The following PER3 variants were observed in gnomAD, a reference collection of about 807,000 sequenced individuals.
The protein encoded by PER3 is period circadian protein homolog 3.
In PER3, 107 loss-of-function variants were observed where a neutral mutation model predicts 127.2. That is an observed-to-expected ratio of 0.84 (90% CI 0.72 to 0.99). The LOEUF (loss-of-function observed/expected upper bound fraction) is 0.99, where lower values mean the gene tolerates loss of function less well. Among genes scored for constraint, PER3 ranks in the 50% least tolerant of loss-of-function variants. The pLI is 0.00. For missense variants in PER3, 1,560 were observed against 1,525.8 expected (o/e 1.02, Z -0.37); for synonymous variants, 618 against 585.8 (o/e 1.05, Z -0.79).
chr1:7,788,419 C>A, intron 5 of PER3, 173 bp downstream of exon 5: 1 of 595,304 alleles, frequency 1.7e-6, no homozygotes, highest in Non-Finnish European at 3.0e-6. Flanking sequence ...CTTCTGATAA[C>A]ATACTCAATA....
intron 13 of PER3, chr1:7,810,791 T>C (rs1418992742): frequency 2.4e-6 from 1 of 415,830 alleles, no homozygotes; most frequent in African/African-American, 2.0e-5. Context: ...GGAAATGGTA[T>C]TAGAATGTAT....
chr1:7,835,307 G>A (rs2097352894), intron 19 of PER3, among the ~76,000 whole-genome samples: 1 of 152,186 alleles, frequency 6.6e-6, no homozygotes, highest in Non-Finnish European at 1.5e-5. Context: ...GTCAATAATT[G>A]GCTTTATTGG....
chr1:7,801,252 A>T (rs2097169617), intron 8 of PER3, 61 bp downstream of exon 8: 1 of 905,196 alleles, frequency 1.1e-6, no homozygotes, highest in Admixed American at 2.2e-5. Context: ...AATGTGAAGA[A>T]GATTACATTA....
chr1:7,825,685 A>T (rs981639144), intron 16 of PER3, among the ~76,000 whole-genome samples: 1 of 152,208 alleles, frequency 6.6e-6, no homozygotes, highest in Admixed American at 6.5e-5. Flanking sequence ...TGAGGTCAAG[A>T]GTTTGAGACC....
At chr1:7,841,821 T>C (rs542814677) in intron 21 of PER3, among the ~76,000 whole-genome samples, 1 of 152,306 alleles carries the variant, frequency 6.6e-6, no homozygotes, top group South Asian at 2.1e-4. Flanking sequence ...GTTGTTCTGG[T>C]TGTAAATAGA....
intron 13 of PER3, among the ~76,000 whole-genome samples, chr1:7,816,015 AAATTG>A (rs1416782721): frequency 2.7e-5 from 4 of 148,360 alleles, no homozygotes; most frequent in African/African-American, 5.1e-5. Context: ...AAAAAAAAAA[AAATTG>A]AATTGAACAA....
At position 7,803,673 on chromosome 1, in the gene PER3, G is replaced by T. The variant is rs1264703840; in HGVS notation, c.980-19G>T. On this transcript the variant is annotated intron_variant, in intron 9 of 21. Coordinates refer to ENST00000377532, the MANE Select transcript of PER3 (RefSeq NM_001377275.1). ...TCTGTGTTAAGTAAATCCTATTTTT[G>T]TCTTATTATTTTATATAGTTTTGAA... 5 of 1,473,818 alleles carry T rather than the reference G, an allele frequency of 3.4e-6. No homozygotes were observed. The highest frequency in any genetic ancestry group is 3.8e-5 in the Admixed American group (2 of 52,586). The allele number at this position is 1,473,818 out of a possible 1,614,324, so 91.3% of individuals were successfully genotyped here.
rs756803651 is a variant in PER3, at chr1:7,830,118, A to C, written c.3171A>C (p.Ser1057=). ...HPTATVLSTG[S]PPSESPSRTG... Reference sequence around the variant, plus strand: ...CTGCCACTGTTCTGTCCACGGGGTCACCTCCCAGCGAATCCCCATCCAGAA... The same window carrying C: ...CTGCCACTGTTCTGTCCACGGGGTCCCCTCCCAGCGAATCCCCATCCAGAA... Residue 1057 remains serine, a synonymous_variant, in exon 19 of 22, where the codon TCA becomes TCC. Coordinates refer to ENST00000377532, the MANE Select transcript of PER3 (RefSeq NM_001377275.1). 8.1e-6 allele frequency: 13 copies of C among 1,613,960 alleles called. No homozygotes were observed. In the African/African-American group the frequency reaches 1.7e-4, roughly 22 times the overall value.
chr1:7,817,734 AAATAAAG>A (rs1368885200), intron 13 of PER3, among the ~76,000 whole-genome samples: 1 of 152,228 alleles, frequency 6.6e-6, no homozygotes, highest in African/African-American at 2.4e-5. Context: ...ATATTATACC[AAATAAAG>A]AATAAAACAG....
chr1:7,826,347 G>A lies in PER3; in HGVS notation c.1958-133G>A. 3.2e-6 allele frequency: 2 copies of A among 622,204 alleles called. No homozygotes were observed. Among genetic ancestry groups the A allele is most frequent in the Non-Finnish European group, 5.8e-6 (2 of 346,306 alleles). The allele number at this position is 622,204 out of a possible 1,614,324, so 38.5% of individuals were successfully genotyped here. A position where few individuals can be genotyped will look rare whatever the true frequency, so the allele number is the denominator to read the frequency against. ...AGAAAATGAAGAATTTCTGTGCTAG[G>A]CTAATGAAGATTTTTCGTATTCCAG... On this transcript the variant is annotated intron_variant, in intron 16 of 21. Transcript: ENST00000377532. This position sits in a 1 kb window ranked among gnomAD's most constrained non-coding sequence, Gnocchi z 4.2.
At chr1:7,841,721 G>A (rs537056694) in intron 21 of PER3, among the ~76,000 whole-genome samples, 11 of 152,296 alleles carry the variant, frequency 7.2e-5, no homozygotes, top group East Asian at 3.9e-4. Flanking sequence ...AGAAAAGAAT[G>A]AGTGTCTGTC....
intron 16 of PER3, among the ~76,000 whole-genome samples, chr1:7,822,588 C>G (rs1195984023): frequency 1.3e-5 from 2 of 152,086 alleles, no homozygotes; most frequent in Non-Finnish European, 2.9e-5. Flanking sequence ...ATATGAGATA[C>G]AATGACTAAG....
At position 7,827,354 on chromosome 1, in the gene PER3, G is replaced by A. The variant is rs892391866; in HGVS notation, c.2425G>A (p.Ala809Thr). Residue 809 changes from alanine (A) to threonine (T), a missense_variant, in exon 18 of 22, where the codon GCT (alanine) becomes ACT (threonine). Physicochemically the swap from Ala to Thr is moderately conservative, Grantham distance 58. Transcript: ENST00000377532. The part of the protein sequence containing the change: ...VPSQAPYLVP[A>T]FPLPAATSPG... ...CAGCCAGGCCCCTTACCTCGTCCCA[G>A]CTTTTCCCCTCCCAGCCGCGACCTC... The A allele has an allele frequency of 1.2e-6, 2 of 1,613,912 alleles. No homozygotes were observed. The highest frequency in any genetic ancestry group is 1.7e-6 in the Non-Finnish European group (2 of 1,180,020).
At chr1:7,824,602 G>A (rs1463453508) in intron 16 of PER3, among the ~76,000 whole-genome samples, 1 of 151,992 alleles carries the variant, frequency 6.6e-6, no homozygotes, top group Non-Finnish European at 1.5e-5. Context: ...CTGTGAATGG[G>A]TACCAAATAT....
In PER3 at chr1:7,827,290, C is replaced by T; in HGVS notation, c.2361C>T (p.His787=). The T allele has an allele frequency of 6.2e-7, 1 of 1,613,778 alleles. No homozygotes were observed. The highest frequency in any genetic ancestry group is 8.5e-7 in the Non-Finnish European group (1 of 1,179,842). ...PCCPSAASSP[H]TSSPTFPPAA... ...GCCCCTCCGCGGCCTCCTCTCCGCA[C>T]ACCTCGAGCCCGACCTTCCCACCTG... The change falls in exon 18 of 22, where the codon CAC becomes CAT. Residue 787 remains histidine (H), a synonymous_variant. Transcript: ENST00000377532.
Position 7,785,581 on chromosome 1 carries a change from T to G in PER3, c.269T>G (p.Val90Gly), listed in dbSNP as rs1328603256. 6.2e-7 allele frequency: 1 copy of G among 1,609,808 alleles called. No homozygotes were observed. The highest frequency in any genetic ancestry group is 8.5e-7 in the Non-Finnish European group (1 of 1,177,978). ...TATGCTCTCCGCTGTGTCCACAGCG[T>G]TCAAGGTAAACAAGCCGGAGAGAAA... ...LNYALRCVHS[V>G]QANSEFFQIL... is the part of the protein sequence containing the mutation. Residue 90 changes from valine to glycine, a missense_variant, in exon 3 of 22, where the codon GTT (valine) becomes GGT (glycine). Around this residue, in one of 3 missense-constraint regions of PER3, gnomAD observed 1,332 missense variants for 1,223.6 expected, o/e 1.09. Transcript: ENST00000377532.
chr1:7,815,323 A>G (rs2097242697), intron 13 of PER3, among the ~76,000 whole-genome samples: 1 of 152,256 alleles, frequency 6.6e-6, no homozygotes, highest in African/African-American at 2.4e-5. Context: ...ATCCAGCTAC[A>G]TACTATCTAC....
rs374017079 is a variant in PER3, at chr1:7,803,780, T to C, written c.1068T>C (p.Ser356=). 25 of 1,613,330 alleles carry C rather than the reference T, an allele frequency of 1.5e-5. 1 individual carries two copies. In the African/African-American group the frequency reaches 2.1e-4, roughly 14 times the overall value. The change falls in exon 10 of 22, where the codon AGT becomes AGC. Residue 356 remains serine, a synonymous_variant. Coordinates refer to ENST00000377532, the MANE Select transcript of PER3 (RefSeq NM_001377275.1). ...QNGDYIILDS[S]WSSFVNPWSR... is the part of the protein sequence containing the mutation. Reference sequence around the variant, plus strand: ...GAGACTACATCATACTGGATTCCAGTTGGTCCAGCTTTGTGAATCCCTGGA... The same window carrying C: ...GAGACTACATCATACTGGATTCCAGCTGGTCCAGCTTTGTGAATCCCTGGA...
At chr1:7,796,318 C>CTT (rs1558396225) in intron 6 of PER3, among the ~76,000 whole-genome samples, 1 of 52,844 alleles carries the variant, frequency 1.9e-5, no homozygotes, top group Non-Finnish European at 4.2e-5. Flanking sequence ...ATTTCAGTTT[C>CTT]CTTTTTTTTT....
Sources: gnomAD v4.1 joint callset for allele counts (sites outside exome capture counted in the v4.1 genomes callset) on GRCh38, gnomAD v4.1.1 for gene constraint, gnomAD v4.1.1 regional missense constraint, Gnocchi (gnomAD v3.1) non-coding constraint, MANE v1.5 for transcripts, NCBI Gene and HGNC (gene_info 2026-07-23, HGNC 2026-07-21) for gene names.